TLE5: variants seen among roughly 807,000 people sequenced by gnomAD.
The protein encoded by TLE5 is TLE family member 5, transcriptional modulator.
In TLE5, 7 loss-of-function variants were observed where a neutral mutation model predicts 25.8. The ratio of observed to expected loss-of-function variants is 0.27; its 90% confidence interval spans 0.15 to 0.51. The LOEUF (loss-of-function observed/expected upper bound fraction) is 0.51. Among genes scored for constraint, TLE5 ranks in the 20% least tolerant of loss-of-function variants. TLE5 has a pLI of 0.97. For missense variants in TLE5, 149 were observed against 250.7 expected (o/e 0.59, Z 2.74); for synonymous variants, 132 against 110.5 (o/e 1.20, Z -1.22).
In TLE5 at chr19:3,061,236, G is replaced by T; in HGVS notation, c.49C>A (p.Gln17Lys). The change falls in exon 2 of 7, where the codon CAA (glutamine) becomes AAA (lysine). Residue 17 changes from glutamine (Q) to lysine (K), a missense_variant. Transcript: ENST00000327141. ...RHSGSSHLPQ[Q>K]LKFTTSDSCD... ...GAGTCCGAGGTGGTGAATTTGAGTT[G>T]CTGGGGTAGGTGCGAGGAGCCCTGT... The T allele has an allele frequency of 6.2e-7, 1 of 1,613,668 alleles. No individual in the cohort carries two copies. Among genetic ancestry groups the T allele is most frequent in the African/African-American group, 1.3e-5 (1 of 75,050 alleles).
upstream of TLE5, chr19:3,062,842 T>C: frequency 6.5e-7 from 1 of 1,535,888 alleles, no homozygotes; most frequent in Non-Finnish European, 8.8e-7. Context: ...GGCTGGGCGG[T>C]GGTTCTTGCT....
intron 6 of TLE5, 34 bp downstream of exon 6, chr19:3,054,086 T>TCGGGGGGGGGCGCCCCCCCCCC: frequency 6.6e-7 from 1 of 1,512,818 alleles, no homozygotes; most frequent in Non-Finnish European, 8.9e-7. Context: ...GGCCCACCTG[T>TCGGGGGGGGGCGCCCCCCCCCC]CCCCCGCCCA....
rs1476114578 is a variant in TLE5 at position 3,061,352 on chromosome 19, C to A, written c.28-95G>T. On this transcript the variant is annotated intron_variant, in intron 1 of 6. Transcript: ENST00000327141. ...GGAGCGGCCGCGCAGCTGCGGCGCC[C>A]CCCCTCCTGCCCCACTTCCTGGGCC... The A allele has an allele frequency of 3.4e-6, 3 of 875,972 alleles. 1 individual carries two copies. In the South Asian group the frequency reaches 4.2e-5, roughly 12 times the overall value. 54.3% of individuals were successfully genotyped at this position (875,972 alleles called of 1,614,324 possible). A position where few individuals can be genotyped will look rare whatever the true frequency, so the allele number is the denominator to read the frequency against.
In TLE5 at chr19:3,053,793, C is replaced by T; in HGVS notation, c.*26G>A. ...CCTCTGTCTCCCCTCTGTCCCCCCT[C>T]CCAACCTCCCTGTCCCGGCCCCCTG... On this transcript the variant is annotated 3_prime_UTR_variant, in exon 7 of 7. Transcript: ENST00000327141. 6.2e-7 allele frequency: 1 copy of T among 1,605,950 alleles called. No homozygotes were observed. Among genetic ancestry groups the T allele is most frequent in the Non-Finnish European group, 8.5e-7 (1 of 1,174,710 alleles).
intron 6 of TLE5, 34 bp downstream of exon 6, chr19:3,054,086 T>TGGGGGGGGGGGGGCCCCCC: frequency 2.0e-6 from 3 of 1,512,750 alleles, no homozygotes; most frequent in Non-Finnish European, 2.7e-6. Flanking sequence ...GGCCCACCTG[T>TGGGGGGGGGGGGGCCCCCC]CCCCCGCCCA....
rs568857896 is a variant in TLE5 at position 3,061,692 on chromosome 19, T to C, written c.28-435A>G. 2.0e-5 allele frequency among the ~76,000 whole-genome samples: 3 copies of C among 150,742 alleles called. No homozygotes were observed. In the East Asian group the frequency reaches 6.0e-4, roughly 30 times the overall value. ...GGTCTCTCTCTCGGTGCTCGAAATCTTCCGGGGGGGCCCAACCCCAGATTC... is the reference window on the plus strand; with the variant it reads ...GGTCTCTCTCTCGGTGCTCGAAATCCTCCGGGGGGGCCCAACCCCAGATTC... On this transcript the variant is annotated intron_variant, in intron 1 of 6. Transcript: ENST00000327141.
Position 3,056,307 on chromosome 19 carries a change from C to T in TLE5, c.234+5G>A, listed in dbSNP as rs754214877. ...AGGAGGAGGAGGAGGAGGAGATGGG[C>T]GTACCTGTTTGTGCATCTCGATGTT... On this transcript the variant is annotated splice_donor_5th_base_variant and intron_variant, in intron 4 of 6. Coordinates refer to ENST00000327141, the MANE Select transcript of TLE5 (RefSeq NM_001130.6). 17 of 1,515,092 alleles carry T rather than the reference C, an allele frequency of 1.1e-5. No individual in the cohort carries two copies. Among genetic ancestry groups the T allele is most frequent in the South Asian group, 6.2e-5 (5 of 80,776 alleles). The allele number at this position is 1,515,092 out of a possible 1,614,324, so 93.9% of individuals were successfully genotyped here.
At chr19:3,054,086 T>TGGGGGGGGGGGGGCCCCCCC in intron 6 of TLE5, 34 bp downstream of exon 6, 3 of 1,512,780 alleles carry the variant, frequency 2.0e-6, no homozygotes, top group Non-Finnish European at 2.7e-6. Context: ...GGCCCACCTG[T>TGGGGGGGGGGGGGCCCCCCC]CCCCCGCCCA....
chr19:3,059,807 C>T (rs1189443743), intron 2 of TLE5, among the ~76,000 whole-genome samples: 2 of 152,118 alleles, frequency 1.3e-5, no homozygotes, highest in South Asian at 2.1e-4. Context: ...GCTCACCAGG[C>T]GGTATCCAAC....
chr19:3,058,616 C>T lies in TLE5; in HGVS notation c.126-874G>A, dbSNP rs117396075. 3.3e-4 allele frequency among the ~76,000 whole-genome samples: 51 copies of T among 152,308 alleles called. No homozygotes were observed. The East Asian group carries it at 9.4e-3, about 28-fold the overall frequency. The stretch of plus-strand genomic sequence containing the variant: ...ACAAAACACACCATTTCTCCCACTC[C>T]ACCTGGCCAGTCCGGGTGGCTGACA... On this transcript the variant is annotated intron_variant, in intron 2 of 6. Transcript: ENST00000327141.
At chr19:3,058,572 C>A (rs974178519) in intron 2 of TLE5, among the ~76,000 whole-genome samples, 2 of 152,222 alleles carry the variant, frequency 1.3e-5, no homozygotes, top group Admixed American at 1.3e-4. Context: ...TTCCTAACAG[C>A]CTTTTTTCTT....
chr19:3,054,086 T>TCCGGGGGGCCCCC, intron 6 of TLE5, 34 bp downstream of exon 6: 1 of 1,512,816 alleles, frequency 6.6e-7, no homozygotes, highest in Non-Finnish European at 8.9e-7. Flanking sequence ...GGCCCACCTG[T>TCCGGGGGGCCCCC]CCCCCGCCCA....
intron 6 of TLE5, 33 bp downstream of exon 6, chr19:3,054,087 C>CGGGGGGGGGGCG: frequency 2.0e-6 from 3 of 1,476,422 alleles, no homozygotes; most frequent in Non-Finnish European, 2.7e-6. Context: ...GCCCACCTGT[C>CGGGGGGGGGGCG]CCCCGCCCAC....
chr19:3,061,453 G>A (rs1434802361), intron 1 of TLE5, 196 bp from the exon 2 acceptor site: 1 of 412,696 alleles, frequency 2.4e-6, no homozygotes, highest in Non-Finnish European at 4.4e-6. Flanking sequence ...CGAGCGGGTG[G>A]GTGCGCCCGG....
At chr19:3,061,870 G>C (rs1264363980) in intron 1 of TLE5, among the ~76,000 whole-genome samples, 1 of 122,358 alleles carries the variant, frequency 8.2e-6, no homozygotes, top group Non-Finnish European at 1.8e-5. Context: ...CCGAGGCCCT[G>C]ACTGTCCCGG....
Position 3,053,980 on chromosome 19 carries a change from G to T in TLE5, c.433C>A (p.Leu145Ile). 6.2e-7 allele frequency: 1 copy of T among 1,610,034 alleles called. No individual in the cohort carries two copies. Among genetic ancestry groups the T allele is most frequent in the Non-Finnish European group, 8.5e-7 (1 of 1,178,890 alleles). The change falls in exon 7 of 7, where the codon CTA (leucine) becomes ATA (isoleucine). Residue 145 changes from leucine (L) to isoleucine (I), a missense_variant. By Grantham distance (5) the Leu-to-Ile change is conservative. Transcript: ENST00000327141. Reference sequence around the variant, plus strand: ...GAAGGCGGCTGCAGCCCCACGGGTAGTGGGGTCAAGGGCAGGGCCAGGGCC... The same window carrying T: ...GAAGGCGGCTGCAGCCCCACGGGTATTGGGGTCAAGGGCAGGGCCAGGGCC... ...LQALALPLTP[L>I]PVGLQPPSLP...
chr19:3,059,691 C>T (rs762122787), intron 2 of TLE5, among the ~76,000 whole-genome samples: 5 of 152,262 alleles, frequency 3.3e-5, no homozygotes, highest in South Asian at 2.1e-4. Context: ...CCAGGCCCAG[C>T]GGATGGAGAC....
intron 2 of TLE5, chr19:3,060,881 T>G (rs1033561946): frequency 1.2e-5 from 3 of 243,392 alleles, no homozygotes; most frequent in Admixed American, 4.6e-5. Flanking sequence ...AGGTCTTTTA[T>G]CCAATGGGGG....
chr19:3,056,124 G>A (rs1296506608), intron 4 of TLE5, 188 bp downstream of exon 4: 4 of 523,952 alleles, frequency 7.6e-6, no homozygotes, highest in Non-Finnish European at 1.3e-5. Context: ...GCCTGAAAAA[G>A]AGGCGGGGCG....
Sources: allele counts gnomAD v4.1 joint callset (sites outside exome capture counted in the v4.1 genomes callset), GRCh38; gene constraint gnomAD v4.1.1; transcripts MANE v1.5; gene names NCBI Gene and HGNC (gene_info 2026-07-23, HGNC 2026-07-21).